The following MTRR variants were observed in gnomAD, a reference collection of about 807,000 sequenced individuals.
MTRR encodes methionine synthase reductase.
A neutral mutation model predicts 79.2 loss-of-function variants in MTRR; 63 were observed. The ratio of observed to expected loss-of-function variants is 0.80; its 90% CI spans 0.65 to 0.98. The LOEUF (loss-of-function observed/expected upper bound fraction) is 0.98. Among genes scored for constraint, MTRR ranks in the 50% least tolerant of loss-of-function variants. The pLI is 0.00. For synonymous variants in MTRR, 355 were observed against 313.3 expected (o/e 1.13, Z -1.41); for missense variants, 895 against 839.6 (o/e 1.07, Z -0.82).
upstream of MTRR, chr5:7,868,170 A>C (rs555616871): frequency 9.2e-6 from 6 of 650,444 alleles, no homozygotes; most frequent in South Asian, 2.1e-4. Context: ...ACCCAACATC[A>C]ATGTTTATGA....
At chr5:7,852,699 T>A (rs75874701) in intron 1 of MTRR, among the ~76,000 whole-genome samples, 1,938 of 151,728 alleles carry the variant, frequency 0.013, 36 homozygotes, top group East Asian at 0.06. Flanking sequence ...TGACTCATAC[T>A]TTTTTGCTTT....
intron 1 of MTRR, among the ~76,000 whole-genome samples, chr5:7,854,515 A>G: frequency 6.6e-6 from 1 of 152,292 alleles, no homozygotes; most frequent in Admixed American, 6.5e-5. Flanking sequence ...ATGGCTAGGG[A>G]GGCCTCAGAA....
chr5:7,871,828 C>CT (rs540749403), intron 2 of MTRR, among the ~76,000 whole-genome samples: 130 of 152,348 alleles, frequency 8.5e-4, no homozygotes, highest in African/African-American at 3.1e-3. Context: ...TCAGCAGACT[C>CT]TGTCATTCTA....
intron 12 of MTRR, chr5:7,896,661 C>T: frequency 3.3e-6 from 2 of 613,462 alleles, no homozygotes; most frequent in Non-Finnish European, 2.9e-6. Context: ...GCTGCCTCTC[C>T]ACACACTTGC....
chr5:7,852,018 A>G (rs1746091784), intron 1 of MTRR, among the ~76,000 whole-genome samples: 1 of 152,210 alleles, frequency 6.6e-6, no homozygotes. Context: ...GAGTCTGGCA[A>G]TCCCTTCCAA....
chr5:7,854,118 G>C (rs1005860334), intron 1 of MTRR, among the ~76,000 whole-genome samples: 1 of 152,034 alleles, frequency 6.6e-6, no homozygotes, highest in Non-Finnish European at 1.5e-5. Context: ...CCAGGTACAT[G>C]AGTGGAATAC....
intron 10 of MTRR, 61 bp downstream of exon 10, chr5:7,891,475 TC>T: frequency 7.3e-7 from 1 of 1,360,938 alleles, no homozygotes; most frequent in Non-Finnish European, 1.1e-6. Flanking sequence ...GACTCAGGCT[TC>T]CAGATCATTA....
chr5:7,888,954 C>T, intron 8 of MTRR, 141 bp from the exon 9 acceptor site: 1 of 844,926 alleles, frequency 1.2e-6, no homozygotes, highest in East Asian at 2.7e-5. Flanking sequence ...ATTAAATTCC[C>T]TCCTCCTGAC....
chr5:7,869,588 C>T (rs1747515852), intron 1 of MTRR: 1 of 259,062 alleles, frequency 3.9e-6, no homozygotes, highest in Non-Finnish European at 7.6e-6. Flanking sequence ...CCGGGGAACC[C>T]GGGACGTTCC....
intron 1 of MTRR, among the ~76,000 whole-genome samples, chr5:7,853,645 A>G (rs1017618082): frequency 4.6e-5 from 7 of 152,204 alleles, no homozygotes; most frequent in African/African-American, 7.2e-5. Flanking sequence ...AATGGTCATG[A>G]ACCTTTCTGA....
intron 1 of MTRR, among the ~76,000 whole-genome samples, chr5:7,853,688 G>C (rs542062124): frequency 6.6e-6 from 1 of 152,332 alleles, no homozygotes; most frequent in South Asian, 2.1e-4. Context: ...AATTGCCCCA[G>C]AGGATCAACA....
intron 7 of MTRR, 53 bp downstream of exon 7, chr5:7,885,907 C>T: frequency 6.2e-7 from 1 of 1,610,382 alleles, no homozygotes; most frequent in Non-Finnish European, 8.5e-7. Context: ...TGGACTGGAG[C>T]TGATGGTGAG....
At position 7,886,696 on chromosome 5, in the gene MTRR, C is replaced by T. The variant is rs1360048756; in HGVS notation, c.1139C>T (p.Pro380Leu). ...FTWCLEIRAI[P>L]KKAFLRALVD... ...TGGTGTCTTGAAATCCGAGCAATTC[C>T]TAAAAAGGTATTTTTTTCTGTCTTC... The change falls in exon 8 of 15, where the codon CCT (proline) becomes CTT (leucine). Residue 380 changes from proline (P) to leucine (L), a missense_variant. Transcript: ENST00000440940. 1 of 1,609,824 alleles carries T rather than the reference C, an allele frequency of 6.2e-7. No individual in the cohort carries two copies. The highest frequency in any genetic ancestry group is 1.1e-5 in the South Asian group (1 of 90,996).
chr5:7,882,600 A>G (rs1259633685), intron 5 of MTRR, among the ~76,000 whole-genome samples: 1 of 152,234 alleles, frequency 6.6e-6, no homozygotes, highest in Admixed American at 6.5e-5. Context: ...CAGTTTTCCA[A>G]GACCTACTGT....
chr5:7,892,694 T>C (rs151150201), intron 10 of MTRR, 33 bp from the exon 11 acceptor site: 61 of 1,609,672 alleles, frequency 3.8e-5, no homozygotes, highest in Admixed American at 2.2e-4. Flanking sequence ...AGTACTGATA[T>C]CGAGTTCAAA....
At chr5:7,851,238 C>G (rs1444726375) in exon 1 of MTRR, 4 of 441,600 alleles carry the variant, frequency 9.1e-6, no homozygotes, top group Non-Finnish European at 1.5e-5. Context: ...CCCGGCCCCT[C>G]GACTACACCT....
At chr5:7,891,559 A>C (rs113285699) in intron 10 of MTRR, 145 bp downstream of exon 10, 3 of 690,614 alleles carry the variant, frequency 4.3e-6, no homozygotes, top group Non-Finnish European at 7.6e-6. Flanking sequence ...AAAGCAGAAG[A>C]AGAATCATAG....
rs1734930034 is a variant in MTRR at position 7,878,279 on chromosome 5, C to A, written c.737C>A (p.Pro246His). The A allele has an allele frequency of 6.2e-7, 1 of 1,614,056 alleles. No individual in the cohort carries two copies. The highest frequency in any genetic ancestry group is 1.7e-5 in the Admixed American group (1 of 60,004). The change falls in exon 5 of 15, where the codon CCC becomes CAC. Residue 246 changes from proline to histidine, a missense_variant. Coordinates refer to ENST00000440940, the MANE Select transcript of MTRR (RefSeq NM_002454.3). ...GCCTCTCTGAATATTCCTGGTTTAC[C>A]CCCAGAATATTTACAGGTACATCTG... The part of the protein sequence containing the change: ...SQASLNIPGL[P>H]PEYLQVHLQE...
chr5:7,871,995 T>A (rs1748070624), intron 2 of MTRR, among the ~76,000 whole-genome samples: 1 of 119,794 alleles, frequency 8.3e-6, no homozygotes, highest in African/African-American at 4.1e-5. Flanking sequence ...GGCAGTCAGA[T>A]GAATGGTGAA....
Sources: allele counts gnomAD v4.1 joint callset (sites outside exome capture counted in the v4.1 genomes callset), GRCh38; gene constraint gnomAD v4.1.1; transcripts MANE v1.5; gene names NCBI Gene and HGNC (gene_info 2026-07-23, HGNC 2026-07-21).